SUSD4: variants seen among roughly 807,000 people sequenced by gnomAD.
SUSD4 encodes the protein sushi domain containing 4.
In SUSD4, 41 loss-of-function variants were observed where a neutral mutation model predicts 50.5. The observed-to-expected ratio is 0.81, with a 90% CI of 0.63 to 1.05. SUSD4 has a LOEUF of 1.05. Ranked by LOEUF, SUSD4 falls within the 50% of genes least tolerant of loss-of-function variation. The probability of loss-of-function intolerance (pLI) is 0.00; values close to 1 mark genes in which losing one functional copy is unlikely to be tolerated. For synonymous variants in SUSD4, 257 were observed against 257.3 expected, an observed-to-expected ratio of 1.00 and a Z score of 0.01; for missense variants, 580 against 634.7, an observed-to-expected ratio of 0.91 and a Z score of 0.93.
chr1:223,241,247 G>A (rs546519761), intron 5 of SUSD4, among the ~76,000 whole-genome samples: 21 of 152,256 alleles, frequency 1.4e-4, no homozygotes, highest in Middle Eastern at 3.4e-3. Flanking sequence ...AAGCACAAGG[G>A]GATTTTTATG....
chr1:223,285,795 A>G (rs1390906459), intron 3 of SUSD4, among the ~76,000 whole-genome samples: 4 of 152,216 alleles, frequency 2.6e-5, no homozygotes, highest in Admixed American at 2.6e-4. Context: ...AGCAATGATA[A>G]CATGTGGACA....
intron 7 of SUSD4, among the ~76,000 whole-genome samples, chr1:223,225,621 C>T (rs34424827): frequency 0.28 from 42,021 of 151,922 alleles, 7,214 homozygotes; most frequent in Non-Finnish European, 0.39. Context: ...CCTTCCTCTC[C>T]GGCCACTTCA....
At chr1:223,253,610 G>A (rs756049644) in intron 5 of SUSD4, among the ~76,000 whole-genome samples, 3 of 152,068 alleles carry the variant, frequency 2.0e-5, no homozygotes, top group East Asian at 1.9e-4. Flanking sequence ...GAATATTGCC[G>A]AGTGACTCCC....
chr1:223,235,406 T>C (rs983211629), intron 5 of SUSD4, among the ~76,000 whole-genome samples: 9 of 152,222 alleles, frequency 5.9e-5, no homozygotes, highest in Admixed American at 3.3e-4. Flanking sequence ...ACTCTTGGTG[T>C]TGTACATTCT....
At chr1:223,233,952 G>A (rs1338646262) in intron 5 of SUSD4, among the ~76,000 whole-genome samples, 2 of 152,224 alleles carry the variant, frequency 1.3e-5, no homozygotes, top group Non-Finnish European at 2.9e-5. Context: ...CACTCAGCCA[G>A]AAACGGATGA....
intron 5 of SUSD4, among the ~76,000 whole-genome samples, chr1:223,252,232 A>ATATATAT (rs1315896019): frequency 1.3e-3 from 83 of 65,672 alleles, no homozygotes; most frequent in African/African-American, 3.4e-3. Context: ...AAAAAAAAAA[A>ATATATAT]AAAAATATAT....
At chr1:223,349,618 G>A (rs1361976323) in intron 2 of SUSD4, among the ~76,000 whole-genome samples, 1 of 152,154 alleles carries the variant, frequency 6.6e-6, no homozygotes, top group Admixed American at 6.5e-5. Context: ...TAAGCTAATG[G>A]TTTGTAGCCC....
At chr1:223,245,699 G>A (rs1372263047) in intron 5 of SUSD4, among the ~76,000 whole-genome samples, 1 of 152,244 alleles carries the variant, frequency 6.6e-6, no homozygotes, top group Non-Finnish European at 1.5e-5. Flanking sequence ...GACATGGCAG[G>A]ACTGCCAGGA....
chr1:223,283,937 T>C (rs1663944748), intron 3 of SUSD4, among the ~76,000 whole-genome samples: 1 of 152,152 alleles, frequency 6.6e-6, no homozygotes, highest in Admixed American at 6.5e-5. Context: ...TGTAGGGACA[T>C]GGATGAAGCT....
At chr1:223,296,449 G>A (rs1405778913) in intron 2 of SUSD4, among the ~76,000 whole-genome samples, 1 of 152,162 alleles carries the variant, frequency 6.6e-6, no homozygotes, top group African/African-American at 2.4e-5. Context: ...AGGTATAGAT[G>A]TCTAGCCATC....
chr1:223,285,007 A>C (rs1664042980), intron 3 of SUSD4, among the ~76,000 whole-genome samples: 1 of 152,214 alleles, frequency 6.6e-6, no homozygotes, highest in Non-Finnish European at 1.5e-5. Context: ...ATAAGAAGGA[A>C]GATATTGAAT....
intron 3 of SUSD4, among the ~76,000 whole-genome samples, chr1:223,268,895 G>A (rs546979699): frequency 6.6e-6 from 1 of 152,176 alleles, no homozygotes; most frequent in Non-Finnish European, 1.5e-5. Flanking sequence ...GACCCAGGGC[G>A]TGGGGATCCA....
chr1:223,292,742 T>A (rs963438615), intron 2 of SUSD4, 91 bp from the exon 3 acceptor site: 2 of 1,365,980 alleles, frequency 1.5e-6, no homozygotes, highest in Non-Finnish European at 2.0e-6. Flanking sequence ...CTGCATGATG[T>A]CATACGCCTT....
intron 5 of SUSD4, chr1:223,235,000 G>A: frequency 1.2e-6 from 2 of 1,609,166 alleles, no homozygotes; most frequent in Non-Finnish European, 1.7e-6. Flanking sequence ...TAGGTGCTGG[G>A]GTGGGAGAGG....
chr1:223,342,104 A>G (rs1572100157), intron 2 of SUSD4, among the ~76,000 whole-genome samples: 1 of 152,130 alleles, frequency 6.6e-6, no homozygotes, highest in Non-Finnish European at 1.5e-5. Flanking sequence ...CTGGTGGACC[A>G]CAGCCACAGT....
intron 2 of SUSD4, among the ~76,000 whole-genome samples, chr1:223,309,470 G>A (rs376456921): frequency 5.3e-5 from 8 of 152,170 alleles, no homozygotes; most frequent in Non-Finnish European, 7.4e-5. Flanking sequence ...GGTTCTACTC[G>A]CAGGTCAGAG....
chr1:223,221,379 C>T lies in SUSD4; in HGVS notation c.*813G>A, dbSNP rs375472630. On this transcript the variant is annotated 3_prime_UTR_variant, in exon 9 of 9. Coordinates refer to ENST00000366878, the MANE Select transcript of SUSD4 (RefSeq NM_017982.4). ...AACAAAACATTACCTTGGTTACTGT[C>T]TCCATCATGAGATGTATTTGAACAC... 4.7e-4 allele frequency: 150 copies of T among 321,062 alleles called. 2 individuals are homozygous for T. Among genetic ancestry groups the T allele is most frequent in the African/African-American group, 3.0e-3 (142 of 47,186 alleles). The allele number at this position is 321,062 out of a possible 1,614,324, so 19.9% of individuals were successfully genotyped here. A position where few individuals can be genotyped will look rare whatever the true frequency, so the allele number is the denominator to read the frequency against.
At chr1:223,285,651 TATGCAGCC>T (rs2103128914) in intron 3 of SUSD4, among the ~76,000 whole-genome samples, 1 of 152,260 alleles carries the variant, frequency 6.6e-6, no homozygotes, top group East Asian at 1.9e-4. Context: ...CATGAAATAC[TATGCAGCC>T]ATAAAAAAGA....
At chr1:223,319,988 T>C (rs1666473615) in intron 2 of SUSD4, among the ~76,000 whole-genome samples, 1 of 152,134 alleles carries the variant, frequency 6.6e-6, no homozygotes, top group Non-Finnish European at 1.5e-5. Context: ...ATGACTCCAT[T>C]TTCTCATCAG....
Sources: gnomAD v4.1 joint callset for allele counts (sites outside exome capture counted in the v4.1 genomes callset) on GRCh38, gnomAD v4.1.1 for gene constraint, MANE v1.5 for transcripts, NCBI Gene and HGNC (gene_info 2026-07-23, HGNC 2026-07-21) for gene names.